TXLNB: variants seen among roughly 807,000 people sequenced by gnomAD.
TXLNB encodes the protein beta-taxilin.
TXLNB carries 37 observed loss-of-function variants against 57.4 expected under a neutral mutation model. The observed-to-expected ratio is 0.64, with a 90% CI of 0.50 to 0.85. TXLNB has a LOEUF of 0.85. Among genes scored for constraint, TXLNB ranks in the 40% least tolerant of loss-of-function variants. TXLNB has a pLI of 0.00. For synonymous variants in TXLNB, 302 were observed against 309.6 expected (o/e 0.98, Z 0.26); for missense variants, 848 against 825.6 (o/e 1.03, Z -0.33).
chr6:139,180,148 T>C, the TXLNB span: 3 of 152,318 alleles, frequency 2.0e-5, no homozygotes, highest in Admixed American at 2.0e-4. Flanking sequence ...GGAGCTTTCC[T>C]TAAATGCCCT....
the TXLNB span, among the ~76,000 whole-genome samples, chr6:139,201,988 T>A: frequency 6.6e-6 from 1 of 152,222 alleles, no homozygotes; most frequent in Admixed American, 6.5e-5. Context: ...ACCCACACCA[T>A]AACCACTGCT....
At chr6:139,244,735 A>G (rs1487403755) in intron 8 of TXLNB, 45 bp from the exon 9 acceptor site, 2 of 1,382,982 alleles carry the variant, frequency 1.4e-6, no homozygotes, top group African/African-American at 2.9e-5. Context: ...AAAAGTTAAT[A>G]TATCAAGGAA....
At chr6:139,249,591 C>T (rs1238725943) in intron 7 of TXLNB, among the ~76,000 whole-genome samples, 1 of 152,068 alleles carries the variant, frequency 6.6e-6, no homozygotes, top group African/African-American at 2.4e-5. Context: ...TGAAAGCTGG[C>T]AGATTGGAGA....
At chr6:139,204,224 T>G in the TXLNB span, among the ~76,000 whole-genome samples, 2 of 152,084 alleles carry the variant, frequency 1.3e-5, no homozygotes, top group Non-Finnish European at 2.9e-5. Flanking sequence ...GCCCGGCTAA[T>G]TTTTGCATTT....
chr6:139,171,279 G>A, the TXLNB span, among the ~76,000 whole-genome samples: 1 of 152,176 alleles, frequency 6.6e-6, no homozygotes, highest in Non-Finnish European at 1.5e-5. Flanking sequence ...AATCTTGAGA[G>A]TACCTTTCAG....
rs1479846029 is a variant in TXLNB, at chr6:139,288,731, C to T, written c.169G>A (p.Glu57Lys). 6.2e-7 allele frequency: 1 copy of T among 1,614,192 alleles called. No individual in the cohort carries two copies. Among genetic ancestry groups the T allele is most frequent in the Admixed American group, 1.7e-5 (1 of 60,026 alleles). ...KEASVHPDISEELNRQLEDII... is the reference protein window; with the variant it reads ...KEASVHPDISKELNRQLEDII... Reference sequence around the variant, plus strand: ...TCTTCCAGCTGTCGATTCAGCTCTTCAGAGATATCGGGGTGCACACTTGCC... The same window carrying T: ...TCTTCCAGCTGTCGATTCAGCTCTTTAGAGATATCGGGGTGCACACTTGCC... The change falls in exon 2 of 10, where the codon GAA becomes AAA. Residue 57 changes from glutamate to lysine, a missense_variant. Transcript: ENST00000358430.
chr6:139,246,709 G>C (rs1348577575), intron 8 of TXLNB, among the ~76,000 whole-genome samples: 1 of 152,066 alleles, frequency 6.6e-6, no homozygotes, highest in African/African-American at 2.4e-5. Flanking sequence ...GAGGTCAGGA[G>C]TTCGAGACCA....
At chr6:139,282,058 G>C (rs1777065693) in intron 2 of TXLNB, among the ~76,000 whole-genome samples, 1 of 150,858 alleles carries the variant, frequency 6.6e-6, no homozygotes, top group East Asian at 1.9e-4. Context: ...CTAGGTTCTA[G>C]CTTCTCTATG....
intron 4 of TXLNB, among the ~76,000 whole-genome samples, chr6:139,265,755 A>G (rs981098753): frequency 6.6e-6 from 1 of 152,242 alleles, no homozygotes; most frequent in Non-Finnish European, 1.5e-5. Context: ...GCACTTGTAC[A>G]TGAGTTTCCT....
chr6:139,164,876 ACT>A, the TXLNB span, among the ~76,000 whole-genome samples: 1 of 148,468 alleles, frequency 6.7e-6, no homozygotes, highest in African/African-American at 2.5e-5. Context: ...GCACTATGAG[ACT>A]CTCAGTCTCC....
At chr6:139,295,095 TA>T (rs1398736239), upstream of TXLNB, among the ~76,000 whole-genome samples, 2 of 152,226 alleles carry the variant, frequency 1.3e-5, no homozygotes, top group Non-Finnish European at 2.9e-5. Flanking sequence ...CTGCAATTAT[TA>T]AAGTAGTGCT....
the TXLNB span, among the ~76,000 whole-genome samples, chr6:139,170,815 G>T: frequency 6.6e-6 from 1 of 152,146 alleles, no homozygotes; most frequent in African/African-American, 2.4e-5. Context: ...GAGGAAAGGT[G>T]CGGGAAAGGG....
At chr6:139,221,705 T>C in the TXLNB span, among the ~76,000 whole-genome samples, 2 of 152,142 alleles carry the variant, frequency 1.3e-5, no homozygotes, top group African/African-American at 4.8e-5. Flanking sequence ...TAAGATACAA[T>C]GTCTAAAACT....
the TXLNB span, among the ~76,000 whole-genome samples, chr6:139,189,816 G>T: frequency 6.6e-6 from 1 of 152,160 alleles, no homozygotes; most frequent in Non-Finnish European, 1.5e-5. Context: ...CTCAGATGGG[G>T]GATACAGAGA....
the TXLNB span, among the ~76,000 whole-genome samples, chr6:139,219,929 G>A: frequency 1.3e-5 from 2 of 152,094 alleles, no homozygotes; most frequent in African/African-American, 4.8e-5. Context: ...TTTCACTTGC[G>A]GTTTAGAAAA....
chr6:139,302,742 C>T, the TXLNB span, among the ~76,000 whole-genome samples: 1 of 151,190 alleles, frequency 6.6e-6, no homozygotes, highest in East Asian at 2.0e-4. Context: ...TGAGATCGCA[C>T]CATTGCCCTC....
downstream of TXLNB, among the ~76,000 whole-genome samples, chr6:139,235,369 C>T (rs1190847417): frequency 1.3e-5 from 2 of 152,198 alleles, no homozygotes; most frequent in Non-Finnish European, 2.9e-5. Context: ...TGCCTTATCT[C>T]AGATGAGACT....
the TXLNB span, among the ~76,000 whole-genome samples, chr6:139,322,379 G>A: frequency 1.3e-5 from 2 of 152,154 alleles, no homozygotes; most frequent in Non-Finnish European, 2.9e-5. Flanking sequence ...ACTGGCAGAA[G>A]AGCAGAAGAG....
At chr6:139,210,695 C>T in the TXLNB span, among the ~76,000 whole-genome samples, 1 of 152,226 alleles carries the variant, frequency 6.6e-6, no homozygotes, top group African/African-American at 2.4e-5. Context: ...TCGCCTCACC[C>T]GGGAAGTGCA....
Sources: allele counts gnomAD v4.1 joint callset (sites outside exome capture counted in the v4.1 genomes callset), GRCh38; gene constraint gnomAD v4.1.1; transcripts MANE v1.5; gene names NCBI Gene and HGNC (gene_info 2026-07-23, HGNC 2026-07-21).